Variants in IGBP1C observed in about 807,000 individuals in gnomAD.
IGBP1C encodes the protein immunoglobulin-binding protein 1 family member C.
chr17:58,663,058 G>A, the IGBP1C span, among the ~76,000 whole-genome samples: 2 of 150,748 alleles, frequency 1.3e-5, no homozygotes, highest in African/African-American at 2.4e-5. Flanking sequence ...GCAGTGAGCC[G>A]AGATGGCACC....
At chr17:58,665,657 G>C in the IGBP1C span, among the ~76,000 whole-genome samples, 1 of 151,908 alleles carries the variant, frequency 6.6e-6, no homozygotes, top group African/African-American at 2.4e-5. Context: ...AAGTTCCTAA[G>C]CATTAAATGA....
At chr17:58,675,495 T>C in the IGBP1C span, 15 of 152,534 alleles carry the variant, frequency 9.8e-5, no homozygotes, top group African/African-American at 3.6e-4. Context: ...TGTTTTATAA[T>C]GAAGACAATA....
the IGBP1C span, among the ~76,000 whole-genome samples, chr17:58,685,996 C>CAA: frequency 0.043 from 3,573 of 82,508 alleles, 203 homozygotes; most frequent in African/African-American, 0.091. Context: ...CTCTGTCTCA[C>CAA]AAAAAAAAAA....
the IGBP1C span, among the ~76,000 whole-genome samples, chr17:58,689,983 G>A: frequency 1.3e-5 from 2 of 151,318 alleles, no homozygotes; most frequent in African/African-American, 4.9e-5. Context: ...CCGAGTAGCT[G>A]GGACTACAGG....
the IGBP1C span, among the ~76,000 whole-genome samples, chr17:58,670,577 C>T: frequency 1.3e-5 from 2 of 151,502 alleles, no homozygotes; most frequent in African/African-American, 4.8e-5. Flanking sequence ...TGTTTGAGAC[C>T]AGCCTGGCCA....
the IGBP1C span, among the ~76,000 whole-genome samples, chr17:58,686,861 C>CTTTTTTT: frequency 4.2e-5 from 3 of 71,538 alleles, no homozygotes; most frequent in East Asian, 4.7e-4. Context: ...GAAAGGTCAC[C>CTTTTTTT]TTTTTTTTTT....
chr17:58,685,809 T>C, the IGBP1C span, among the ~76,000 whole-genome samples: 2 of 151,370 alleles, frequency 1.3e-5, no homozygotes, highest in African/African-American at 4.9e-5. Flanking sequence ...CTGGCCAACA[T>C]GGTGAAACAC....
At chr17:58,663,108 CAAAA>C in the IGBP1C span, among the ~76,000 whole-genome samples, 1 of 76,874 alleles carries the variant, frequency 1.3e-5, no homozygotes, top group African/African-American at 4.9e-5. Flanking sequence ...GACTCCGTCT[CAAAA>C]AAAAAAAAAA....
the IGBP1C span, among the ~76,000 whole-genome samples, chr17:58,686,531 A>C: frequency 2.0e-5 from 3 of 152,252 alleles, no homozygotes; most frequent in African/African-American, 7.2e-5. Flanking sequence ...TACAAATTTG[A>C]GAGTCACTGC....
chr17:58,688,109 A>G, the IGBP1C span, among the ~76,000 whole-genome samples: 32 of 152,190 alleles, frequency 2.1e-4, no homozygotes, highest in Admixed American at 1.7e-3. Flanking sequence ...TTTTACAATT[A>G]TAGACTTTTT....
At chr17:58,688,247 A>G in the IGBP1C span, among the ~76,000 whole-genome samples, 4 of 151,988 alleles carry the variant, frequency 2.6e-5, no homozygotes, top group Admixed American at 6.6e-5. Context: ...CAGCCTTCCA[A>G]ATAGCTGGGA....
At chr17:58,679,978 AAAT>A in the IGBP1C span, among the ~76,000 whole-genome samples, 1 of 152,140 alleles carries the variant, frequency 6.6e-6, no homozygotes, top group South Asian at 2.1e-4. Flanking sequence ...GACACGACTG[AAAT>A]AAAACTTAAA....
chr17:58,667,539 T>C, the IGBP1C span, among the ~76,000 whole-genome samples: 6 of 152,148 alleles, frequency 3.9e-5, no homozygotes, highest in Admixed American at 3.3e-4. Flanking sequence ...AACGTTGAGG[T>C]AGGAAATGGA....
the IGBP1C span, chr17:58,660,894 G>A: frequency 2.4e-6 from 2 of 820,002 alleles, no homozygotes; most frequent in Non-Finnish European, 2.2e-6. Context: ...CTCTTCTGGT[G>A]ACATGAGTTA....
At chr17:58,664,874 G>A in the IGBP1C span, among the ~76,000 whole-genome samples, 1 of 152,096 alleles carries the variant, frequency 6.6e-6, no homozygotes, top group African/African-American at 2.4e-5. Flanking sequence ...CCTGTGGTAC[G>A]TAACAGATAA....
the IGBP1C span, chr17:58,661,015 A>G: frequency 1.7e-6 from 2 of 1,166,988 alleles, no homozygotes; most frequent in Non-Finnish European, 2.6e-6. Context: ...GGTGAAGAAG[A>G]TAATATTCAC....
At chr17:58,686,472 T>C in the IGBP1C span, among the ~76,000 whole-genome samples, 4 of 152,160 alleles carry the variant, frequency 2.6e-5, no homozygotes, top group Non-Finnish European at 5.9e-5. Context: ...AATTGTCCAG[T>C]AGGCAATTAG....
At chr17:58,688,813 G>A in the IGBP1C span, among the ~76,000 whole-genome samples, 4 of 152,116 alleles carry the variant, frequency 2.6e-5, no homozygotes, top group Non-Finnish European at 5.9e-5. Flanking sequence ...TTCCCGGGGG[G>A]GGTTTGGGAG....
chr17:58,670,778 A>G, the IGBP1C span, among the ~76,000 whole-genome samples: 2 of 149,148 alleles, frequency 1.3e-5, no homozygotes, highest in Non-Finnish European at 1.5e-5. Flanking sequence ...CTCTTAAAAA[A>G]AAAAAAAAAA....
Sources: allele counts gnomAD v4.1 joint callset (sites outside exome capture counted in the v4.1 genomes callset), GRCh38; gene constraint gnomAD v4.1.1; transcripts MANE v1.5; gene names NCBI Gene and HGNC (gene_info 2026-07-23, HGNC 2026-07-21).